ATXN2: variants seen among roughly 807,000 people sequenced by gnomAD.
ATXN2 encodes the protein ataxin 2, also known as ataxin-2.
Under a neutral mutation model 138.6 loss-of-function variants are expected in ATXN2, and 37 were observed. The observed-to-expected ratio is 0.27, with a 90% CI of 0.21 to 0.35. ATXN2 has a LOEUF of 0.35. ATXN2 is among the 10% of genes least tolerant of loss of function. The probability of loss-of-function intolerance (pLI) is 1.00; values close to 1 mark genes in which losing one functional copy is unlikely to be tolerated. For missense variants in ATXN2, 1,216 were observed against 1,480.3 expected (o/e 0.82, Z 2.93); for synonymous variants, 549 against 543.7 (o/e 1.01, Z -0.13).
chr12:111,546,858 A>G (rs1322020078), intron 5 of ATXN2, among the ~76,000 whole-genome samples: 1 of 152,216 alleles, frequency 6.6e-6, no homozygotes, highest in Admixed American at 6.5e-5. Context: ...TGATTTTCCA[A>G]TGATAATCTG....
At chr12:111,576,236 G>C (rs578132050) in intron 1 of ATXN2, among the ~76,000 whole-genome samples, 1 of 152,080 alleles carries the variant, frequency 6.6e-6, no homozygotes, top group South Asian at 2.1e-4. Context: ...TTGAGAATAG[G>C]AGTTTGAGAC....
intron 18 of ATXN2, chr12:111,485,058 A>G: frequency 2.1e-6 from 1 of 482,710 alleles, no homozygotes; most frequent in Non-Finnish European, 3.7e-6. Context: ...AGGATACTAT[A>G]TAATCACAAC....
At chr12:111,497,687 T>C (rs560037759) in intron 14 of ATXN2, among the ~76,000 whole-genome samples, 32 of 151,656 alleles carry the variant, frequency 2.1e-4, no homozygotes, top group Non-Finnish European at 3.5e-4. Flanking sequence ...TATAAATATA[T>C]AATTTATATC....
rs560743335 is a variant in ATXN2, at chr12:111,541,829, G to A, written c.571+10451C>T. On this transcript the variant is annotated intron_variant, in intron 5 of 24. Coordinates refer to ENST00000673436, the MANE Select transcript of ATXN2 (RefSeq NM_001372574.1). ...TTTTTTTTTTGAGATGGAGTCACCCGGCTGGAGTGCAATCTCAGCTCACTG... is the reference window on the plus strand; with the variant it reads ...TTTTTTTTTTGAGATGGAGTCACCCAGCTGGAGTGCAATCTCAGCTCACTG... 4.0e-4 allele frequency among the ~76,000 whole-genome samples: 57 copies of A among 144,066 alleles called. 1 individual carries two copies. The highest frequency in any genetic ancestry group is 1.4e-3 in the African/African-American group (55 of 39,728). The allele number at this position is 144,066 out of a possible 152,430, so 94.5% of individuals were successfully genotyped here.
At chr12:111,529,503 T>C (rs528211738) in intron 5 of ATXN2, among the ~76,000 whole-genome samples, 1 of 152,246 alleles carries the variant, frequency 6.6e-6, no homozygotes, top group South Asian at 2.1e-4. Context: ...AGAAACAAAA[T>C]TGTATCACCT....
chr12:111,596,205 A>AACAC (rs35316415), intron 1 of ATXN2, among the ~76,000 whole-genome samples: 16,592 of 141,640 alleles, frequency 0.12, 954 homozygotes, highest in Middle Eastern at 0.18. Flanking sequence ...TTCCATCCAA[A>AACAC]ACACACACAC....
intron 18 of ATXN2, among the ~76,000 whole-genome samples, chr12:111,472,302 A>G (rs557756238): frequency 5.4e-4 from 82 of 152,280 alleles, no homozygotes; most frequent in Non-Finnish European, 1.0e-3. Context: ...AGGGGAAGAA[A>G]AGAAACCAAG....
At chr12:111,495,762 T>G (rs748896099) in intron 14 of ATXN2, among the ~76,000 whole-genome samples, 1 of 152,114 alleles carries the variant, frequency 6.6e-6, no homozygotes, top group Non-Finnish European at 1.5e-5. Flanking sequence ...TTACAGAACA[T>G]TGTGTCCAAC....
rs536809289 is a variant in ATXN2, at chr12:111,598,059, G to C, written c.251+725C>G. The stretch of plus-strand genomic sequence containing the variant: ...TCCCCACCCCTTCCCTTCCCCAGGT[G>C]GGGGAGGGTGGAACGCTGCCGGAGG... On this transcript the variant is annotated intron_variant, in intron 1 of 24. Coordinates refer to ENST00000673436, the MANE Select transcript of ATXN2 (RefSeq NM_001372574.1). The surrounding 1 kb of genome is among the most constrained non-coding windows in gnomAD (Gnocchi z 4.5). 2.4e-5 allele frequency: 28 copies of C among 1,158,530 alleles called. No individual in the cohort carries two copies. The highest frequency in any genetic ancestry group is 1.9e-4 in the East Asian group (3 of 16,100). 71.8% of individuals were successfully genotyped at this position (1,158,530 alleles called of 1,614,324 possible). A position where few individuals can be genotyped will look rare whatever the true frequency, so the allele number is the denominator to read the frequency against.
intron 20 of ATXN2, among the ~76,000 whole-genome samples, chr12:111,467,532 C>T (rs1426503312): frequency 6.6e-6 from 1 of 151,994 alleles, no homozygotes; most frequent in Non-Finnish European, 1.5e-5. Flanking sequence ...AAGTCCACAG[C>T]CTTGCTCCTA....
chr12:111,523,930 T>C (rs573588964), intron 6 of ATXN2, among the ~76,000 whole-genome samples: 1 of 152,006 alleles, frequency 6.6e-6, no homozygotes, highest in African/African-American at 2.4e-5. Context: ...TCTTCACATA[T>C]AATTATTTGC....
intron 14 of ATXN2, among the ~76,000 whole-genome samples, chr12:111,494,708 A>C (rs1269180578): frequency 1.3e-5 from 2 of 152,066 alleles, no homozygotes; most frequent in Admixed American, 6.6e-5. Flanking sequence ...ACAGGTGTGA[A>C]CCACTGCACC....
intron 1 of ATXN2, among the ~76,000 whole-genome samples, chr12:111,558,925 TTCTG>T (rs1407634384): frequency 2.0e-5 from 3 of 148,350 alleles, no homozygotes; most frequent in African/African-American, 7.5e-5. Flanking sequence ...CACTTTACCA[TTCTG>T]TCTACTTTCA....
intron 5 of ATXN2, among the ~76,000 whole-genome samples, chr12:111,551,094 C>G (rs1325627470): frequency 1.3e-5 from 2 of 152,030 alleles, no homozygotes; most frequent in African/African-American, 4.8e-5. Flanking sequence ...GTCAAACAAT[C>G]GAGACCATCC....
chr12:111,505,068 T>A (rs997013258), intron 14 of ATXN2, among the ~76,000 whole-genome samples: 1 of 152,034 alleles, frequency 6.6e-6, no homozygotes, highest in Non-Finnish European at 1.5e-5. Context: ...TACAAAAAAA[T>A]ACAAAAGTTA....
chr12:111,460,184 C>T (rs967528819), intron 21 of ATXN2, among the ~76,000 whole-genome samples: 1 of 152,116 alleles, frequency 6.6e-6, no homozygotes, highest in African/African-American at 2.4e-5. Flanking sequence ...CGGGTTCAAG[C>T]GATTCTCCTG....
intron 5 of ATXN2, among the ~76,000 whole-genome samples, chr12:111,527,719 C>T (rs1411628534): frequency 3.9e-5 from 6 of 152,178 alleles, no homozygotes; most frequent in African/African-American, 7.2e-5. Context: ...GGAGCATTCA[C>T]TAGAAATGGC....
chr12:111,514,894 T>C (rs1879768491), intron 10 of ATXN2, among the ~76,000 whole-genome samples: 1 of 152,246 alleles, frequency 6.6e-6, no homozygotes, highest in Admixed American at 6.5e-5. Context: ...ACAGAAAGTA[T>C]ATTTCTGTGT....
At chr12:111,547,413 C>T (rs1479021828) in intron 5 of ATXN2, among the ~76,000 whole-genome samples, 1 of 147,814 alleles carries the variant, frequency 6.8e-6, no homozygotes, top group African/African-American at 2.5e-5. Flanking sequence ...GGTGACAGAG[C>T]GAGACTCCGC....
Sources: gnomAD v4.1 joint callset for allele counts (sites outside exome capture counted in the v4.1 genomes callset) on GRCh38, gnomAD v4.1.1 for gene constraint, Gnocchi (gnomAD v3.1) non-coding constraint, MANE v1.5 for transcripts, NCBI Gene and HGNC (gene_info 2026-07-23, HGNC 2026-07-21) for gene names.